The following FSTL5 variants were observed in gnomAD, a reference collection of about 807,000 sequenced individuals.
FSTL5 encodes the protein follistatin like 5.
In FSTL5, 62 loss-of-function variants were observed where a neutral mutation model predicts 89.1. That is an observed-to-expected ratio of 0.70 (90% CI 0.57 to 0.86). FSTL5 has a LOEUF of 0.86. FSTL5 is among the 40% of genes least tolerant of loss of function. FSTL5 has a pLI of 0.00. For missense variants in FSTL5, 1,057 were observed against 1,001.6 expected (o/e 1.06, Z -0.75); for synonymous variants, 383 against 346.2 (o/e 1.11, Z -1.18).
chr4:161,662,775 G>A (rs931250565), intron 6 of FSTL5, among the ~76,000 whole-genome samples: 2 of 152,058 alleles, frequency 1.3e-5, no homozygotes, highest in African/African-American at 2.4e-5. Flanking sequence ...CAAGCAAAGC[G>A]AACAAAAAAC....
chr4:161,732,025 C>T (rs1035081996), intron 6 of FSTL5, among the ~76,000 whole-genome samples: 1 of 151,784 alleles, frequency 6.6e-6, no homozygotes, highest in Non-Finnish European at 1.5e-5. Flanking sequence ...CATCTTCATT[C>T]TTCTTTCATT....
At chr4:161,677,881 G>A (rs755634001) in intron 6 of FSTL5, among the ~76,000 whole-genome samples, 2 of 151,674 alleles carry the variant, frequency 1.3e-5, no homozygotes, top group African/African-American at 4.8e-5. Flanking sequence ...GTGAATTAAT[G>A]CATATATCTA....
intron 4 of FSTL5, among the ~76,000 whole-genome samples, chr4:161,885,827 G>A (rs1732790398): frequency 6.6e-6 from 1 of 152,080 alleles, no homozygotes; most frequent in Non-Finnish European, 1.5e-5. Context: ...ATAGTATTGT[G>A]TGTGTATGTT....
intron 15 of FSTL5, among the ~76,000 whole-genome samples, chr4:161,428,065 G>A (rs1729286919): frequency 6.6e-6 from 1 of 152,146 alleles, no homozygotes. Context: ...GAGAGTCGGT[G>A]TTCTTGGGAA....
chr4:161,823,913 T>C (rs1730580839), intron 4 of FSTL5, among the ~76,000 whole-genome samples: 1 of 152,234 alleles, frequency 6.6e-6, no homozygotes, highest in Non-Finnish European at 1.5e-5. Flanking sequence ...TGGATACTAG[T>C]CCTTTGTCAG....
intron 3 of FSTL5, among the ~76,000 whole-genome samples, chr4:161,962,919 A>G (rs961909984): frequency 6.6e-6 from 1 of 151,968 alleles, no homozygotes; most frequent in Non-Finnish European, 1.5e-5. Context: ...TAGATTCATG[A>G]TTTTCACAGC....
intron 7 of FSTL5, among the ~76,000 whole-genome samples, chr4:161,639,471 T>G (rs189096948): frequency 9.2e-4 from 140 of 152,262 alleles, no homozygotes; most frequent in African/African-American, 3.0e-3. Flanking sequence ...TAAAGGAAGA[T>G]AAGCTACAAA....
chr4:161,665,345 C>G (rs1331031044), intron 6 of FSTL5, among the ~76,000 whole-genome samples: 8 of 152,072 alleles, frequency 5.3e-5, no homozygotes, highest in African/African-American at 1.9e-4. Context: ...AGGTTCACGC[C>G]ATTCTCCTCC....
intron 3 of FSTL5, among the ~76,000 whole-genome samples, chr4:161,946,115 A>G (rs1734728056): frequency 6.6e-6 from 1 of 152,194 alleles, no homozygotes; most frequent in Non-Finnish European, 1.5e-5. Context: ...TTCCTATGCA[A>G]TATAAAGTAA....
At chr4:162,141,324 C>G in intron 1 of FSTL5, among the ~76,000 whole-genome samples, 1 of 117,186 alleles carries the variant, frequency 8.5e-6, no homozygotes, top group Non-Finnish European at 1.9e-5. Flanking sequence ...ACCATGTTAG[C>G]CAGGATGGTC....
Position 161,484,362 on chromosome 4 carries a change from T to A in FSTL5, c.1459-3193A>T, listed in dbSNP as rs571930881. Among the ~76,000 whole-genome samples, 5 of 152,290 alleles carry A rather than the reference T, an allele frequency of 3.3e-5. No individual in the cohort carries two copies. The East Asian group carries it at 9.6e-4, about 29-fold the overall frequency. ...TTGCTGTCAGGACTACCTCCTCTCA[T>A]CCTTCTATCTAAAAGATGTGTCCAC... On this transcript the variant is annotated intron_variant, in intron 12 of 15. Transcript: ENST00000306100.
chr4:161,564,205 TTATGCATGTGTATA>T (rs1732717408), intron 8 of FSTL5, among the ~76,000 whole-genome samples: 1 of 151,402 alleles, frequency 6.6e-6, no homozygotes, highest in Non-Finnish European at 1.5e-5. Flanking sequence ...AAATTATAAA[TTATGCATGTGTATA>T]TATGCATGTG....
At chr4:162,078,241 C>T (rs999926963) in intron 2 of FSTL5, among the ~76,000 whole-genome samples, 19 of 151,678 alleles carry the variant, frequency 1.3e-4, no homozygotes, top group African/African-American at 2.4e-5. Context: ...TATCAAGTGC[C>T]GCATGTACTG....
chr4:161,636,399 C>A (rs190245648), intron 7 of FSTL5, among the ~76,000 whole-genome samples: 1 of 150,932 alleles, frequency 6.6e-6, no homozygotes, highest in Admixed American at 6.6e-5. Flanking sequence ...AATCTCTTGC[C>A]CCTTCAATCA....
rs1735824295 is a variant in FSTL5, at chr4:161,638,628, A to T, written c.894+17700T>A. 2.1e-5 allele frequency among the ~76,000 whole-genome samples: 3 copies of T among 144,210 alleles called. No homozygotes were observed. The South Asian group carries it at 7.0e-4, about 34-fold the overall frequency. The allele number at this position is 144,210 out of a possible 152,430, so 94.6% of individuals were successfully genotyped here. A position where few individuals can be genotyped will look rare whatever the true frequency, so the allele number is the denominator to read the frequency against. On this transcript the variant is annotated intron_variant, in intron 7 of 15. Coordinates refer to ENST00000306100, the MANE Select transcript of FSTL5 (RefSeq NM_020116.5). Reference sequence around the variant, plus strand: ...ATTCCAATCAATAGAAAAAGAGGGAATCCTCCCTAACTCATTTTATGAGGC... The same window carrying T: ...ATTCCAATCAATAGAAAAAGAGGGATTCCTCCCTAACTCATTTTATGAGGC...
In FSTL5 at chr4:161,760,319, C is replaced by T. The variant is rs1364579910; in HGVS notation, c.607-788G>A. Among the ~76,000 whole-genome samples the T allele has an allele frequency of 2.0e-5, 3 of 152,114 alleles. No individual in the cohort carries two copies. The East Asian group carries it at 5.8e-4, about 29-fold the overall frequency. ...CATTTCTATTGTGGTAGCTGCATAGCTGTGACCATGGTTTTTCATACTCTC... is the reference window on the plus strand; with the variant it reads ...CATTTCTATTGTGGTAGCTGCATAGTTGTGACCATGGTTTTTCATACTCTC... On this transcript the variant is annotated intron_variant, in intron 5 of 15. Transcript: ENST00000306100.
At chr4:161,706,154 T>C (rs1178260161) in intron 6 of FSTL5, among the ~76,000 whole-genome samples, 1 of 150,900 alleles carries the variant, frequency 6.6e-6, no homozygotes, top group Non-Finnish European at 1.5e-5. Flanking sequence ...ATATATCTCA[T>C]GTCACTGGCG....
chr4:161,986,949 C>G (rs1440522984), intron 3 of FSTL5, among the ~76,000 whole-genome samples: 1 of 152,120 alleles, frequency 6.6e-6, no homozygotes, highest in Non-Finnish European at 1.5e-5. Context: ...GTATGGTATT[C>G]AAAACTAGAA....
chr4:161,934,616 G>GT (rs1267692670), intron 3 of FSTL5, among the ~76,000 whole-genome samples: 1 of 151,186 alleles, frequency 6.6e-6, no homozygotes, highest in Non-Finnish European at 1.5e-5. Context: ...ATTTTGTGGG[G>GT]TTTTTTTTCG....
Sources: allele counts gnomAD v4.1 joint callset (sites outside exome capture counted in the v4.1 genomes callset), GRCh38; gene constraint gnomAD v4.1.1; transcripts MANE v1.5; gene names NCBI Gene and HGNC (gene_info 2026-07-23, HGNC 2026-07-21).